The following ROBO2 variants were observed in gnomAD, a reference collection of about 807,000 sequenced individuals.
ROBO2 encodes the protein roundabout guidance receptor 2, also known as roundabout homolog 2.
ROBO2 carries 53 observed loss-of-function variants against 160.8 expected under a neutral mutation model. The ratio of observed to expected loss-of-function variants is 0.33; its 90% CI spans 0.26 to 0.41. The LOEUF (loss-of-function observed/expected upper bound fraction) is 0.41, where lower values mean the gene tolerates loss of function less well. ROBO2 is among the 10% of genes least tolerant of loss of function. ROBO2 has a pLI of 1.00. For missense variants in ROBO2, 1,577 were observed against 1,722.4 expected, an observed-to-expected ratio of 0.92 and a Z score of 1.49; for synonymous variants, 664 against 611.7, an observed-to-expected ratio of 1.09 and a Z score of -1.26.
In ROBO2 at chr3:76,413,906, C is replaced by T. The variant is rs1276492488; in HGVS notation, c.109+476304C>T. On this transcript the variant is annotated intron_variant, in intron 2 of 26. Transcript: ENST00000487694. ...ACTGTATTACTCCATTTTCATGCTG[C>T]TGATAAAGACATACCCAAGACTGGG... is the stretch of plus-strand genomic sequence containing the variant. Among the ~76,000 whole-genome samples the T allele has an allele frequency of 6.0e-5, 9 of 148,900 alleles. No individual in the cohort carries two copies. The Admixed American group carries it at 6.1e-4, about 10-fold the overall frequency.
chr3:77,180,377 T>C (rs1442241235), intron 2 of ROBO2, among the ~76,000 whole-genome samples: 1 of 147,658 alleles, frequency 6.8e-6, no homozygotes, highest in African/African-American at 2.5e-5. Context: ...GTTTCTAAAC[T>C]ACCTTTTGAA....
chr3:77,265,254 A>G (rs1199702646), intron 2 of ROBO2, among the ~76,000 whole-genome samples: 2 of 152,146 alleles, frequency 1.3e-5, no homozygotes, highest in South Asian at 2.1e-4. Flanking sequence ...GTTACACACT[A>G]TGTCAGAGGC....
At chr3:76,887,060 C>A (rs752551226) in intron 2 of ROBO2, among the ~76,000 whole-genome samples, 3 of 152,090 alleles carry the variant, frequency 2.0e-5, no homozygotes, top group Non-Finnish European at 4.4e-5. Context: ...TATTTATTGA[C>A]AGATTTAAAG....
rs376263484 is a variant in ROBO2 at position 77,045,233 on chromosome 3, A to G, written c.61+4387A>G. 1.2e-4 allele frequency among the ~76,000 whole-genome samples: 19 copies of G among 152,350 alleles called. No individual in the cohort carries two copies. In the East Asian group the frequency reaches 3.5e-3, roughly 28 times the overall value. On this transcript the variant is annotated intron_variant, in intron 1 of 25. Transcript: ENST00000461745. Reference sequence around the variant, plus strand: ...GTGTGTTATACAATGATAGAAGCATATAGCATCTAGGGTAGCATGCTTACC... The same window carrying G: ...GTGTGTTATACAATGATAGAAGCATGTAGCATCTAGGGTAGCATGCTTACC...
chr3:77,598,514 T>C (rs56124820), intron 19 of ROBO2, among the ~76,000 whole-genome samples: 3,284 of 88,004 alleles, frequency 0.037, 49 homozygotes, highest in Middle Eastern at 0.046. Flanking sequence ...CGCACACACA[T>C]ATATATATAT....
intron 2 of ROBO2, among the ~76,000 whole-genome samples, chr3:76,534,526 A>T (rs2082392300): frequency 6.6e-6 from 1 of 152,208 alleles, no homozygotes; most frequent in Admixed American, 6.5e-5. Context: ...CTGATTGCAG[A>T]TCCTATGCAG....
intron 2 of ROBO2, among the ~76,000 whole-genome samples, chr3:76,752,455 A>G (rs975501040): frequency 6.6e-6 from 1 of 151,850 alleles, no homozygotes; most frequent in Admixed American, 6.6e-5. Flanking sequence ...AAAAAGAAAA[A>G]AAATGATGGC....
At chr3:77,397,364 A>T (rs1421506020) in intron 2 of ROBO2, among the ~76,000 whole-genome samples, 1 of 152,168 alleles carries the variant, frequency 6.6e-6, no homozygotes, top group Non-Finnish European at 1.5e-5. Flanking sequence ...GCCATACCTG[A>T]CAGCAATAAT....
chr3:76,381,754 C>A (rs9856515), intron 2 of ROBO2, among the ~76,000 whole-genome samples: 9,767 of 152,116 alleles, frequency 0.064, 879 homozygotes, highest in African/African-American at 0.2. Flanking sequence ...AACAATAAGG[C>A]ATGTGCTTTT....
chr3:76,226,230 A>G (rs1341922438), intron 2 of ROBO2, among the ~76,000 whole-genome samples: 4 of 152,224 alleles, frequency 2.6e-5, no homozygotes, highest in Admixed American at 2.6e-4. Context: ...AATAAGTGTC[A>G]TAACATTAAG....
intron 2 of ROBO2, among the ~76,000 whole-genome samples, chr3:76,067,124 G>A (rs2068279643): frequency 6.6e-6 from 1 of 152,130 alleles, no homozygotes; most frequent in African/African-American, 2.4e-5. Context: ...GTGAATTCTG[G>A]AGTCGGCTTT....
chr3:76,997,188 C>T (rs1259887066), intron 2 of ROBO2, among the ~76,000 whole-genome samples: 1 of 152,054 alleles, frequency 6.6e-6, no homozygotes, highest in Non-Finnish European at 1.5e-5. Context: ...ATGAAAAACA[C>T]AAATCACAAC....
At chr3:77,033,786 T>C (rs1054821546) in intron 2 of ROBO2, among the ~76,000 whole-genome samples, 2 of 152,028 alleles carry the variant, frequency 1.3e-5, no homozygotes, top group African/African-American at 2.4e-5. Context: ...AAAAATTAAT[T>C]TCACATTGAT....
At chr3:76,902,375 G>A (rs1010470484) in intron 2 of ROBO2, among the ~76,000 whole-genome samples, 4 of 151,864 alleles carry the variant, frequency 2.6e-5, no homozygotes, top group African/African-American at 9.7e-5. Context: ...TTTGATATCT[G>A]GTGAGAGTAC....
At chr3:75,988,044 G>A (rs887301981) in intron 2 of ROBO2, among the ~76,000 whole-genome samples, 2 of 151,864 alleles carry the variant, frequency 1.3e-5, no homozygotes, top group Non-Finnish European at 2.9e-5. Context: ...GGTAATGCTG[G>A]CCTCATATGA....
intron 2 of ROBO2, among the ~76,000 whole-genome samples, chr3:76,143,322 T>C (rs1313208379): frequency 6.6e-6 from 1 of 152,076 alleles, no homozygotes; most frequent in Non-Finnish European, 1.5e-5. Flanking sequence ...TGAGCTACCA[T>C]GCCTGACTTA....
intron 15 of ROBO2, among the ~76,000 whole-genome samples, chr3:77,579,130 T>A (rs1052349693): frequency 1.3e-4 from 20 of 152,164 alleles, no homozygotes; most frequent in African/African-American, 4.1e-4. Context: ...TGTAGATTTT[T>A]AAATATTGTA....
At chr3:77,639,965 G>A (rs546943321) in intron 24 of ROBO2, among the ~76,000 whole-genome samples, 1 of 152,242 alleles carries the variant, frequency 6.6e-6, no homozygotes, top group East Asian at 1.9e-4. Context: ...GGATTTTGGA[G>A]GTAGAGCTAA....
At chr3:76,813,182 C>T (rs755348410) in intron 2 of ROBO2, among the ~76,000 whole-genome samples, 3 of 151,984 alleles carry the variant, frequency 2.0e-5, no homozygotes, top group East Asian at 1.9e-4. Flanking sequence ...AGTGTATTTA[C>T]ATATGCAAGA....
Sources: allele counts gnomAD v4.1 joint callset (sites outside exome capture counted in the v4.1 genomes callset), GRCh38; gene constraint gnomAD v4.1.1; transcripts MANE v1.5; gene names NCBI Gene and HGNC (gene_info 2026-07-23, HGNC 2026-07-21).